PMS2: variants seen among roughly 807,000 people sequenced by gnomAD.
PMS2 encodes mismatch repair endonuclease PMS2.
Under a neutral mutation model 90.0 loss-of-function variants are expected in PMS2, and 69 were observed. That is an observed-to-expected ratio of 0.77 (90% CI 0.63 to 0.94). PMS2 has a LOEUF of 0.94. Among genes scored for constraint, PMS2 ranks in the 40% least tolerant of loss-of-function variants. PMS2 has a pLI of 0.00. For synonymous variants in PMS2, 332 were observed against 375.1 expected (o/e 0.89, Z 1.33); for missense variants, 966 against 1,040.2 (o/e 0.93, Z 0.98).
chr7:6,001,261 C>T (rs1785058435), intron 5 of PMS2, among the ~76,000 whole-genome samples: 1 of 152,004 alleles, frequency 6.6e-6, no homozygotes, highest in African/African-American at 2.4e-5. Flanking sequence ...ACAGACAGTT[C>T]TATAATCTGC....
intron 1 of PMS2, among the ~76,000 whole-genome samples, chr7:6,007,689 C>A (rs922756021): frequency 6.6e-6 from 1 of 152,068 alleles, no homozygotes; most frequent in African/African-American, 2.4e-5. Flanking sequence ...TTTAATAAAC[C>A]CTTCTGAAAT....
rs1781414335 is a variant in PMS2, at chr7:5,972,797, G to T, written c.*602C>A. Among the ~76,000 whole-genome samples the T allele has an allele frequency of 2.1e-5, 2 of 93,768 alleles. 1 individual carries two copies. The highest frequency in any genetic ancestry group is 4.2e-5 in the Non-Finnish European group (2 of 47,646). 61.5% of individuals were successfully genotyped at this position (93,768 alleles called of 152,430 possible). ...CTAAACTATGTCCAGCCAGAGCAGA[G>T]GCCTGAGTAACTTCCAAAGTGGTTT... On this transcript the variant is annotated 3_prime_UTR_variant, in exon 15 of 15. Transcript: ENST00000265849.
chr7:5,992,567 G>A (rs550405214), intron 8 of PMS2, among the ~76,000 whole-genome samples: 9 of 152,172 alleles, frequency 5.9e-5, no homozygotes, highest in African/African-American at 1.7e-4. Flanking sequence ...TGATCCGCCC[G>A]CCTCAACCTC....
At chr7:6,003,426 A>G (rs6463525) in intron 4 of PMS2, 70,075 of 389,854 alleles carry the variant, frequency 0.18, 6,940 homozygotes, top group African/African-American at 0.25. Flanking sequence ...ACTATCATTT[A>G]TTATCTACAT....
At chr7:6,003,861 T>C (rs527315693) in intron 3 of PMS2, 69 bp from the exon 4 acceptor site, 65 of 1,260,842 alleles carry the variant, frequency 5.2e-5, no homozygotes, top group Non-Finnish European at 6.5e-5. Context: ...ACATGATATC[T>C]AGTAACTGGC....
At chr7:5,990,753 C>T (rs1201099479) in intron 9 of PMS2, among the ~76,000 whole-genome samples, 1 of 152,076 alleles carries the variant, frequency 6.6e-6, no homozygotes, top group African/African-American at 2.4e-5. Flanking sequence ...TGGCTCACAC[C>T]CTGTAATCCC....
intron 6 of PMS2, 26 bp downstream of exon 6, chr7:5,999,082 G>T (rs768324145): frequency 6.2e-7 from 1 of 1,606,390 alleles, no homozygotes; most frequent in South Asian, 1.1e-5. Flanking sequence ...GCAATAAGAG[G>T]CGTTGAAGTA....
Position 5,973,253 on chromosome 7 carries a change from G to A in PMS2, c.*146C>T, listed in dbSNP as rs773940337. ...GCAATGCTCCATCTGGTTTGAAAAG[G>A]TTCTCAAGATCACTTTTAAATGGGT... is the stretch of plus-strand genomic sequence containing the variant. On this transcript the variant is annotated 3_prime_UTR_variant, in exon 15 of 15. Transcript: ENST00000265849. 2 of 678,990 alleles carry A rather than the reference G, an allele frequency of 2.9e-6. No homozygotes were observed. Among genetic ancestry groups the A allele is most frequent in the South Asian group, 3.2e-5 (2 of 61,922 alleles). 42.1% of individuals were successfully genotyped at this position (678,990 alleles called of 1,614,324 possible). A position where few individuals can be genotyped will look rare whatever the true frequency, so the allele number is the denominator to read the frequency against.
At chr7:6,003,499 T>A in intron 4 of PMS2, 191 bp downstream of exon 4, 3 of 596,518 alleles carry the variant, frequency 5.0e-6, no homozygotes, top group Non-Finnish European at 8.9e-6. Context: ...CAATACTATT[T>A]GCTTCATTTC....
At chr7:5,998,044 C>T (rs1247443727) in intron 6 of PMS2, among the ~76,000 whole-genome samples, 1 of 151,252 alleles carries the variant, frequency 6.6e-6, no homozygotes, top group African/African-American at 2.4e-5. Context: ...ACACATTCAG[C>T]TCTCAAACAT....
chr7:5,981,931 C>CTAT (rs4036480), intron 12 of PMS2, among the ~76,000 whole-genome samples: 1 of 150,640 alleles, frequency 6.6e-6, no homozygotes, highest in South Asian at 2.1e-4. Context: ...GTAACTATCA[C>CTAT]TATTATGTAA....
intron 8 of PMS2, among the ~76,000 whole-genome samples, chr7:5,993,313 G>C (rs966544293): frequency 7.0e-6 from 1 of 142,134 alleles, no homozygotes; most frequent in Non-Finnish European, 1.5e-5. Context: ...AGAGCTTGCA[G>C]TGAGCCAAGA....
chr7:6,003,611 G>A (rs1562693018), intron 4 of PMS2, 79 bp downstream of exon 4: 9 of 811,234 alleles, frequency 1.1e-5, no homozygotes. Flanking sequence ...ATAGAAAACT[G>A]AAAATAATAA....
chr7:5,978,727 T>C (rs1782000396), intron 12 of PMS2, 31 bp from the exon 13 acceptor site: 1 of 1,502,730 alleles, frequency 6.7e-7, no homozygotes. Flanking sequence ...TCAAACCATA[T>C]CCTGAAGTCA....
chr7:5,988,311 G>A (rs1783304057), intron 10 of PMS2, among the ~76,000 whole-genome samples: 1 of 152,064 alleles, frequency 6.6e-6, no homozygotes, highest in Non-Finnish European at 1.5e-5. Context: ...CGGCACAGTG[G>A]CTCACGCCTG....
upstream of PMS2, chr7:6,009,097 C>G (rs1460316651): frequency 6.6e-7 from 1 of 1,524,264 alleles, no homozygotes; most frequent in Non-Finnish European, 9.1e-7. Flanking sequence ...CTCCTGAACT[C>G]CCATTGGCTG....
At position 5,995,611 on chromosome 7, in the gene PMS2, A is replaced by G. The variant is rs1407229027; in HGVS notation, c.826T>C (p.Cys276Arg). The change falls in exon 8 of 15, where the codon TGC becomes CGC. Residue 276 changes from cysteine to arginine, a missense_variant. Physicochemically the swap from Cys to Arg is radical, Grantham distance 180 (BLOSUM62 -3). Coordinates refer to ENST00000265849, the MANE Select transcript of PMS2 (RefSeq NM_000535.7). ...GAACTCCTTCCAACTCCATGCGTGC[A>G]TTGTGAAATGAAACCTGAGATGCTA... is the stretch of plus-strand genomic sequence containing the variant. ...LFYISGFISQ[C>R]THGVGRSSTD... 1.2e-6 allele frequency: 2 copies of G among 1,613,312 alleles called. No homozygotes were observed. The highest frequency in any genetic ancestry group is 2.2e-5 in the East Asian group (1 of 44,884).
chr7:5,993,233 T>C (rs533767921), intron 8 of PMS2, among the ~76,000 whole-genome samples: 34 of 152,104 alleles, frequency 2.2e-4, no homozygotes, highest in African/African-American at 7.2e-4. Context: ...TAGCCAGGCA[T>C]GGCAGCATGT....
At chr7:5,992,383 G>A (rs565445486) in intron 8 of PMS2, among the ~76,000 whole-genome samples, 3 of 150,524 alleles carry the variant, frequency 2.0e-5, no homozygotes, top group South Asian at 2.1e-4. Flanking sequence ...GTAATGGCAC[G>A]ATCTTGGCTC....
Sources: gnomAD v4.1 joint callset for allele counts (sites outside exome capture counted in the v4.1 genomes callset) on GRCh38, gnomAD v4.1.1 for gene constraint, MANE v1.5 for transcripts, NCBI Gene and HGNC (gene_info 2026-07-23, HGNC 2026-07-21) for gene names.